Variants in CACNA1E observed in about 807,000 individuals in gnomAD.
The protein encoded by CACNA1E is voltage-dependent R-type calcium channel subunit alpha-1E.
In CACNA1E, 40 loss-of-function variants were observed where a neutral mutation model predicts 259.2. The ratio of observed to expected loss-of-function variants is 0.15; its 90% CI spans 0.12 to 0.20. CACNA1E has a LOEUF of 0.20. CACNA1E is among the 10% of genes least tolerant of loss of function. The pLI is 1.00. For synonymous variants in CACNA1E, 1,104 were observed against 1,138.5 expected (o/e 0.97, Z 0.61); for missense variants, 1,874 against 3,040.1 (o/e 0.62, Z 9.02).
chr1:181,717,044 G>A, intron 10 of CACNA1E, 49 bp from the exon 11 acceptor site: 1 of 1,533,358 alleles, frequency 6.5e-7, no homozygotes. Flanking sequence ...CCCTGGCCCG[G>A]ACCACAGGAT....
intron 11 of CACNA1E, among the ~76,000 whole-genome samples, chr1:181,717,750 C>T (rs571597666): frequency 1.8e-4 from 28 of 152,230 alleles, no homozygotes; most frequent in African/African-American, 6.0e-4. Context: ...GGGAGGAATC[C>T]AGCTCTTTGA....
At chr1:181,707,730 C>T (rs1466204676) in intron 7 of CACNA1E, among the ~76,000 whole-genome samples, 1 of 152,048 alleles carries the variant, frequency 6.6e-6, no homozygotes, top group Non-Finnish European at 1.5e-5. Flanking sequence ...CCTTTTAAGC[C>T]TCTGGGAGTC....
chr1:181,472,850 G>C (rs1662600962), intron 2 of CACNA1E, among the ~76,000 whole-genome samples: 1 of 152,160 alleles, frequency 6.6e-6, no homozygotes, highest in Non-Finnish European at 1.5e-5. Context: ...AGGGAGAGTG[G>C]CCTGAAAGTT....
intron 6 of CACNA1E, among the ~76,000 whole-genome samples, chr1:181,602,604 C>G (rs1653850575): frequency 6.6e-6 from 1 of 152,080 alleles, no homozygotes; most frequent in African/African-American, 2.4e-5. Flanking sequence ...GGTCAATGCA[C>G]TGTATTTGTT....
chr1:181,484,060 G>C, intron 1 of CACNA1E, 50 bp downstream of exon 1: 1 of 1,548,898 alleles, frequency 6.5e-7, no homozygotes, highest in Non-Finnish European at 8.9e-7. Flanking sequence ...GCATTTCTTC[G>C]GGTGAAGGGG....
chr1:181,504,060 G>A (rs1472882045), intron 1 of CACNA1E, among the ~76,000 whole-genome samples: 2 of 152,166 alleles, frequency 1.3e-5, no homozygotes, highest in Non-Finnish European at 2.9e-5. Flanking sequence ...CACTTATTAG[G>A]ATGATATTTA....
At chr1:181,379,995 A>G (rs1655352988) in intron 1 of CACNA1E, among the ~76,000 whole-genome samples, 1 of 147,824 alleles carries the variant, frequency 6.8e-6, no homozygotes, top group African/African-American at 2.5e-5. Flanking sequence ...TATATATATC[A>G]TAAGGTAAAT....
chr1:181,784,898 G>A (rs1171904160), intron 41 of CACNA1E, 130 bp downstream of exon 41: 42 of 626,666 alleles, frequency 6.7e-5, no homozygotes, highest in South Asian at 4.4e-4. Flanking sequence ...GGACAAAAGG[G>A]ACTTAAGGAT....
At chr1:181,392,151 A>G (rs1321505813) in intron 1 of CACNA1E, among the ~76,000 whole-genome samples, 1 of 152,104 alleles carries the variant, frequency 6.6e-6, no homozygotes, top group Non-Finnish European at 1.5e-5. Flanking sequence ...CCAGAATACA[A>G]TCCCAGTGTC....
At chr1:181,401,043 T>G (rs968528923) in intron 1 of CACNA1E, among the ~76,000 whole-genome samples, 2 of 152,184 alleles carry the variant, frequency 1.3e-5, no homozygotes, top group African/African-American at 4.8e-5. Context: ...GCCGATATCA[T>G]CTGCTGCTAC....
intron 6 of CACNA1E, among the ~76,000 whole-genome samples, chr1:181,638,900 G>A (rs2101987558): frequency 6.6e-6 from 1 of 152,322 alleles, no homozygotes; most frequent in South Asian, 2.1e-4. Flanking sequence ...CAGCCATGCT[G>A]AACTGTGAGT....
chr1:181,617,314 G>A (rs1655313341), intron 6 of CACNA1E, among the ~76,000 whole-genome samples: 2 of 151,004 alleles, frequency 1.3e-5, no homozygotes, highest in South Asian at 4.2e-4. Flanking sequence ...AGTTGTTAGT[G>A]TGTGTTTTGC....
chr1:181,374,668 T>C (rs1057183304), intron 1 of CACNA1E, among the ~76,000 whole-genome samples: 16 of 152,102 alleles, frequency 1.1e-4, no homozygotes, highest in African/African-American at 3.6e-4. Context: ...GGTCTTGCTA[T>C]GTTGCCCAGG....
chr1:181,713,080 T>A (rs980216822), intron 8 of CACNA1E, among the ~76,000 whole-genome samples: 1 of 152,168 alleles, frequency 6.6e-6, no homozygotes, highest in African/African-American at 2.4e-5. Context: ...TACATTTCCC[T>A]GGAAAGACAC....
chr1:181,717,696 T>C (rs1654033926), intron 11 of CACNA1E, among the ~76,000 whole-genome samples: 2 of 152,052 alleles, frequency 1.3e-5, no homozygotes, highest in African/African-American at 4.8e-5. Context: ...AGACTGCCAC[T>C]GGGTGTGAGT....
intron 3 of CACNA1E, among the ~76,000 whole-genome samples, chr1:181,516,379 ACACAC>A (rs1310050320): frequency 5.3e-5 from 8 of 151,926 alleles, no homozygotes; most frequent in South Asian, 2.1e-4. Context: ...ACACACACAC[ACACAC>A]AATTTCTAAT....
At chr1:181,595,713 C>G (rs375244630) in intron 6 of CACNA1E, among the ~76,000 whole-genome samples, 1 of 152,144 alleles carries the variant, frequency 6.6e-6, no homozygotes, top group East Asian at 1.9e-4. Context: ...TCCCCACAGG[C>G]GAGGGTATCC....
At position 181,735,679 on chromosome 1, in the gene CACNA1E, C is replaced by G. The variant is rs546216759; in HGVS notation, c.3263-596C>G. Among the ~76,000 whole-genome samples, 9 of 152,238 alleles carry G rather than the reference C, an allele frequency of 5.9e-5. No homozygotes were observed. The South Asian group carries it at 6.2e-4, about 11-fold the overall frequency. On this transcript the variant is annotated intron_variant, in intron 21 of 47. Coordinates refer to ENST00000367573, the MANE Select transcript of CACNA1E (RefSeq NM_001205293.3). The stretch of plus-strand genomic sequence containing the variant: ...TTCTCATTTCTACATTAACCATGGC[C>G]GAGAAAAGCACAGCCAGAAAGCCTG...
At chr1:181,691,214 ATTTATTTAG>A (rs1192660101) in intron 7 of CACNA1E, among the ~76,000 whole-genome samples, 4 of 151,102 alleles carry the variant, frequency 2.6e-5, no homozygotes, top group African/African-American at 9.8e-5. Flanking sequence ...GTATATATAT[ATTTATTTAG>A]TTCTTTGATT....
Sources: gnomAD v4.1 joint callset for allele counts (sites outside exome capture counted in the v4.1 genomes callset) on GRCh38, gnomAD v4.1.1 for gene constraint, MANE v1.5 for transcripts, NCBI Gene and HGNC (gene_info 2026-07-23, HGNC 2026-07-21) for gene names.